RAPGEF1: variants seen among roughly 807,000 people sequenced by gnomAD.
The protein encoded by RAPGEF1 is Rap guanine nucleotide exchange factor 1.
A neutral mutation model predicts 143.3 loss-of-function variants in RAPGEF1; 33 were observed. The observed-to-expected ratio is 0.23, with a 90% CI of 0.17 to 0.31. The LOEUF (loss-of-function observed/expected upper bound fraction) is 0.31, where lower values mean the gene tolerates loss of function less well. Ranked by LOEUF, RAPGEF1 falls within the 10% of genes least tolerant of loss-of-function variation. The pLI is 1.00. For missense variants in RAPGEF1, 1,199 were observed against 1,645.4 expected, an observed-to-expected ratio of 0.73 and a Z score of 4.69; for synonymous variants, 629 against 676.5, an observed-to-expected ratio of 0.93 and a Z score of 1.09.
At chr9:131,642,926 T>C (rs776977552) in intron 4 of RAPGEF1, among the ~76,000 whole-genome samples, 15 of 152,146 alleles carry the variant, frequency 9.9e-5, no homozygotes, top group Non-Finnish European at 2.1e-4. Flanking sequence ...CCACCCGCAG[T>C]GAATCCAGGC....
Position 131,639,323 on chromosome 9 carries a change from A to AT in RAPGEF1, c.495-533dup, listed in dbSNP as rs150478901. ...GGCCAGCTTCATCATCTTCTGCACT[A>AT]TAACGATGAGACAGACGTCAGGAGC... On this transcript the variant is annotated intron_variant, in intron 4 of 26. Coordinates refer to ENST00000683357, the MANE Select transcript of RAPGEF1 (RefSeq NM_001377935.1). Among the ~76,000 whole-genome samples the AT allele has an allele frequency of 2.1e-4, 32 of 152,308 alleles. No homozygotes were observed. In the East Asian group the frequency reaches 5.6e-3, roughly 27 times the overall value.
At chr9:131,591,604 C>T (rs566916669) in intron 18 of RAPGEF1, among the ~76,000 whole-genome samples, 1,638 of 152,264 alleles carry the variant, frequency 0.011, 13 homozygotes, top group Middle Eastern at 0.02. Flanking sequence ...GTGGATGTGG[C>T]AGTCGCAGGG....
chr9:131,601,373 C>G (rs758427317), intron 15 of RAPGEF1, among the ~76,000 whole-genome samples: 4 of 152,012 alleles, frequency 2.6e-5, no homozygotes, highest in African/African-American at 9.7e-5. Flanking sequence ...CACTCCCTAT[C>G]AACTTGAAAG....
At chr9:131,623,297 AAAAAGAAAAAAG>A (rs1564550756) in intron 10 of RAPGEF1, among the ~76,000 whole-genome samples, 1 of 145,566 alleles carries the variant, frequency 6.9e-6, no homozygotes, top group Non-Finnish European at 1.5e-5. Context: ...CCCCGTCTCT[AAAAAGAAAAAAG>A]AAAAGAAAAA....
chr9:131,737,276 C>A, intron 1 of RAPGEF1: 1 of 1,444,584 alleles, frequency 6.9e-7, no homozygotes, highest in Non-Finnish European at 9.7e-7. Context: ...TGGTCAGCCC[C>A]TTCCCCTCTC....
chr9:131,680,865 G>A (rs750902612), intron 1 of RAPGEF1, among the ~76,000 whole-genome samples: 4 of 152,092 alleles, frequency 2.6e-5, no homozygotes, highest in Non-Finnish European at 4.4e-5. Context: ...AGGGTCTCGC[G>A]GACCGAGCTG....
chr9:131,724,318 G>T (rs114003327), intron 1 of RAPGEF1, among the ~76,000 whole-genome samples: 4 of 152,160 alleles, frequency 2.6e-5, no homozygotes, highest in Non-Finnish European at 5.9e-5. Flanking sequence ...CCACTCGGCC[G>T]GGCACGGTGG....
chr9:131,587,360 T>C (rs1953320483), intron 22 of RAPGEF1, among the ~76,000 whole-genome samples: 1 of 152,224 alleles, frequency 6.6e-6, no homozygotes, highest in Non-Finnish European at 1.5e-5. Flanking sequence ...ATTAACGTTA[T>C]AGAGCCCACT....
intron 1 of RAPGEF1, among the ~76,000 whole-genome samples, chr9:131,705,413 A>G (rs1834979748): frequency 6.6e-6 from 1 of 152,192 alleles, no homozygotes; most frequent in African/African-American, 2.4e-5. Context: ...AATAAGATGC[A>G]GTCATTTGGA....
At chr9:131,590,840 G>C (rs1954100503) in intron 18 of RAPGEF1, among the ~76,000 whole-genome samples, 1 of 152,236 alleles carries the variant, frequency 6.6e-6, no homozygotes, top group African/African-American at 2.4e-5. Context: ...GCAGGCAGCA[G>C]GGGGCAAGCA....
intron 5 of RAPGEF1, among the ~76,000 whole-genome samples, chr9:131,636,927 T>G (rs566701725): frequency 6.6e-6 from 1 of 152,224 alleles, no homozygotes; most frequent in South Asian, 2.1e-4. Flanking sequence ...CTTTTTGGAA[T>G]GAAGGGAACA....
intron 4 of RAPGEF1, among the ~76,000 whole-genome samples, chr9:131,639,437 A>AGTGTGT (rs3837234): frequency 0.012 from 1,736 of 149,168 alleles, 23 homozygotes; most frequent in East Asian, 0.031. Flanking sequence ...AACGCAGGTG[A>AGTGTGT]GTGTGTGTGT....
intron 4 of RAPGEF1, among the ~76,000 whole-genome samples, chr9:131,642,070 A>G (rs1273908326): frequency 6.6e-6 from 1 of 152,216 alleles, no homozygotes; most frequent in Non-Finnish European, 1.5e-5. Flanking sequence ...AGAAAAACAA[A>G]ACATGTGCCA....
In RAPGEF1 at chr9:131,641,488, C is replaced by T. The variant is rs1967962320; in HGVS notation, c.494+1751G>A. Among the ~76,000 whole-genome samples, 1 of 152,214 alleles carries T rather than the reference C, an allele frequency of 6.6e-6. No homozygotes were observed. Among genetic ancestry groups the T allele is most frequent in the Non-Finnish European group, 1.5e-5 (1 of 68,038 alleles). ...AGAGGCTTCATCAGATCAACTCCAA[C>T]ACCCCTGTAACTCTCCCTTCTTCAA... is the stretch of plus-strand genomic sequence containing the variant. On this transcript the variant is annotated intron_variant, in intron 4 of 26. Transcript: ENST00000683357. The surrounding 1 kb of genome is among the most constrained non-coding windows in gnomAD (Gnocchi z 4.6).
chr9:131,708,741 C>CTTTCTTTCT (rs34559435), intron 1 of RAPGEF1, among the ~76,000 whole-genome samples: 5 of 150,180 alleles, frequency 3.3e-5, no homozygotes, highest in African/African-American at 1.2e-4. Context: ...TTCTTTCTTT[C>CTTTCTTTCT]TTTTTTTTTT....
At chr9:131,639,683 A>C (rs1372876989) in intron 4 of RAPGEF1, among the ~76,000 whole-genome samples, 5 of 152,154 alleles carry the variant, frequency 3.3e-5, no homozygotes, top group Admixed American at 3.3e-4. Context: ...CAATATAGAA[A>C]ATTTATGTGC....
At chr9:131,597,561 G>C (rs1325301079) in intron 16 of RAPGEF1, among the ~76,000 whole-genome samples, 1 of 152,132 alleles carries the variant, frequency 6.6e-6, no homozygotes, top group Non-Finnish European at 1.5e-5. Context: ...TTATGAAGCC[G>C]CTCCTTTGTA....
chr9:131,603,895 C>T (rs375046731), intron 14 of RAPGEF1, 66 bp downstream of exon 14: 6 of 1,033,254 alleles, frequency 5.8e-6, no homozygotes, highest in Non-Finnish European at 5.2e-6. Flanking sequence ...GAAGCGGCCT[C>T]GGGAGGGCAG....
At chr9:131,730,431 G>A (rs1189938438) in intron 1 of RAPGEF1, among the ~76,000 whole-genome samples, 1 of 151,954 alleles carries the variant, frequency 6.6e-6, no homozygotes, top group African/African-American at 2.4e-5. Flanking sequence ...TGTAATCCCA[G>A]CACTTTGGGA....
Sources: allele counts gnomAD v4.1 joint callset (sites outside exome capture counted in the v4.1 genomes callset), GRCh38; gene constraint gnomAD v4.1.1; non-coding constraint Gnocchi (gnomAD v3.1); transcripts MANE v1.5; gene names NCBI Gene and HGNC (gene_info 2026-07-23, HGNC 2026-07-21).